The following DIAPH1 variants were observed in gnomAD, a reference collection of about 807,000 sequenced individuals.
DIAPH1 encodes the protein diaphanous related formin 1.
DIAPH1 carries 46 observed loss-of-function variants against 140.7 expected under a neutral mutation model. The observed-to-expected ratio is 0.33, with a 90% CI of 0.26 to 0.42. DIAPH1 has a LOEUF of 0.42. Ranked by LOEUF, DIAPH1 falls within the 10% of genes least tolerant of loss-of-function variation. The pLI is 1.00. For missense variants in DIAPH1, 1,310 were observed against 1,558.7 expected (o/e 0.84, Z 2.69); for synonymous variants, 565 against 551.6 (o/e 1.02, Z -0.34).
chr5:141,538,279 A>G (rs943718401), intron 18 of DIAPH1, among the ~76,000 whole-genome samples: 1 of 151,726 alleles, frequency 6.6e-6, no homozygotes, highest in Non-Finnish European at 1.5e-5. Context: ...CCAGGATGGT[A>G]TCAATCTCCT....
chr5:141,535,545 G>A (rs2099888879), intron 18 of DIAPH1, among the ~76,000 whole-genome samples: 1 of 152,168 alleles, frequency 6.6e-6, no homozygotes, highest in African/African-American at 2.4e-5. Flanking sequence ...TTTAATAAGT[G>A]TGGATATTTC....
intron 1 of DIAPH1, among the ~76,000 whole-genome samples, chr5:141,611,417 G>A (rs1177981579): frequency 6.6e-6 from 1 of 152,190 alleles, no homozygotes; most frequent in Non-Finnish European, 1.5e-5. Flanking sequence ...AAGACAGCCA[G>A]AAGTGGTGAC....
At chr5:141,550,194 G>A (rs2099891478) in intron 18 of DIAPH1, among the ~76,000 whole-genome samples, 1 of 151,998 alleles carries the variant, frequency 6.6e-6, no homozygotes, top group Non-Finnish European at 1.5e-5. Flanking sequence ...TTTTAAATTT[G>A]TATGTACCTA....
rs1347234372 is a variant in DIAPH1, at chr5:141,573,501, G to A, written c.2349C>T (p.Asn783=). 1.2e-6 allele frequency: 2 copies of A among 1,605,474 alleles called. No individual in the cohort carries two copies. The highest frequency in any genetic ancestry group is 1.1e-5 in the South Asian group (1 of 90,912). The change falls in exon 16 of 28, where the codon AAC becomes AAT. Residue 783 remains asparagine, a synonymous_variant. Transcript: ENST00000389054. The part of the protein sequence containing the change: ...YKPEVQLRRP[N]WSKLVAEDLS... Reference sequence around the variant, plus strand: ...AGACAGAAACTCTTACCTTGGACCAGTTTGGCCTCCGGAGCTGCACCTCTG... The same window carrying A: ...AGACAGAAACTCTTACCTTGGACCAATTTGGCCTCCGGAGCTGCACCTCTG...
Position 141,587,338 on chromosome 5 carries a change from AAAG to A in DIAPH1, c.145-144_145-142del, listed in dbSNP as rs2099897694. 3 of 820,172 alleles carry A rather than the reference AAAG, an allele frequency of 3.7e-6. No homozygotes were observed. The African/African-American group carries it at 5.1e-5, about 14-fold the overall frequency. 50.8% of individuals were successfully genotyped at this position (820,172 alleles called of 1,614,324 possible). ...GCAGTTCAAGACTCTTCTGACATGA[AAAG>A]AAGAAATCAGTCTTCCTCCTATCTA... On this transcript the variant is annotated intron_variant, in intron 2 of 27. Coordinates refer to ENST00000389054, the MANE Select transcript of DIAPH1 (RefSeq NM_005219.5).
intron 1 of DIAPH1, among the ~76,000 whole-genome samples, chr5:141,595,085 A>T (rs2099899106): frequency 6.6e-6 from 1 of 152,010 alleles, no homozygotes. Flanking sequence ...GCTACATATT[A>T]TATGTACCCA....
intron 18 of DIAPH1, among the ~76,000 whole-genome samples, chr5:141,552,829 G>A (rs72790099): frequency 0.034 from 5,172 of 152,254 alleles, 115 homozygotes; most frequent in African/African-American, 0.05. Flanking sequence ...GCAACCATCT[G>A]CAAGAGAAGG....
At chr5:141,575,492 T>C (rs2099895828) in intron 14 of DIAPH1, among the ~76,000 whole-genome samples, 1 of 151,848 alleles carries the variant, frequency 6.6e-6, no homozygotes, top group Non-Finnish European at 1.5e-5. Flanking sequence ...CTACCAAAAA[T>C]ACAAAAATTA....
chr5:141,518,772 C>T (rs1040077755), intron 27 of DIAPH1: 1 of 674,892 alleles, frequency 1.5e-6, no homozygotes, highest in Non-Finnish European at 2.6e-6. Flanking sequence ...ATCCTCCCAC[C>T]TTGGAACCTA....
intron 1 of DIAPH1, among the ~76,000 whole-genome samples, chr5:141,593,492 G>A (rs2099898814): frequency 6.6e-6 from 1 of 152,132 alleles, no homozygotes; most frequent in African/African-American, 2.4e-5. Flanking sequence ...TGAGACAGAA[G>A]GTTGGAAGTG....
chr5:141,517,246 T>C (rs532373416), intron 27 of DIAPH1, among the ~76,000 whole-genome samples: 1 of 152,290 alleles, frequency 6.6e-6, no homozygotes, highest in Admixed American at 6.5e-5. Flanking sequence ...TGCTTCCCTG[T>C]GTGAAAACAG....
intron 15 of DIAPH1, 26 bp downstream of exon 15, chr5:141,574,941 T>C: frequency 6.2e-7 from 1 of 1,614,002 alleles, no homozygotes; most frequent in Non-Finnish European, 8.5e-7. Context: ...TTACAGGTCA[T>C]TCTGCCTTCC....
intron 18 of DIAPH1, among the ~76,000 whole-genome samples, chr5:141,541,485 C>T (rs1008565554): frequency 4.0e-5 from 6 of 151,820 alleles, no homozygotes; most frequent in Admixed American, 1.3e-4. Flanking sequence ...GTCAGGAGTT[C>T]GAGATCAGCC....
At chr5:141,584,422 T>C (rs991079624) in intron 3 of DIAPH1, among the ~76,000 whole-genome samples, 197 bp from the exon 4 acceptor site, 65 of 152,042 alleles carry the variant, frequency 4.3e-4, no homozygotes, top group African/African-American at 1.5e-3. Context: ...AACATTTTAG[T>C]ATAAATCTCT....
chr5:141,588,415 T>G (rs1048384385), intron 1 of DIAPH1, among the ~76,000 whole-genome samples, 165 bp from the exon 2 acceptor site: 2 of 150,288 alleles, frequency 1.3e-5, no homozygotes, highest in Non-Finnish European at 2.9e-5. Flanking sequence ...CTTAGCACAT[T>G]CCCTCAAGTA....
chr5:141,545,791 C>T (rs1270969121), intron 18 of DIAPH1, among the ~76,000 whole-genome samples: 1 of 152,210 alleles, frequency 6.6e-6, no homozygotes, highest in Non-Finnish European at 1.5e-5. Context: ...CTACTCAACT[C>T]TGCCGGCATA....
intron 1 of DIAPH1, among the ~76,000 whole-genome samples, chr5:141,605,546 A>G (rs1041819490): frequency 1.3e-5 from 2 of 152,212 alleles, no homozygotes; most frequent in African/African-American, 4.8e-5. Flanking sequence ...GCTTAAGGAA[A>G]CACTCCTGAC....
At chr5:141,536,438 AAAG>A (rs1366179190) in intron 18 of DIAPH1, among the ~76,000 whole-genome samples, 30 of 152,358 alleles carry the variant, frequency 2.0e-4, no homozygotes, top group Admixed American at 1.7e-3. Context: ...AATGGAAATA[AAAG>A]AAGTGAACAA....
chr5:141,616,238 C>T (rs541520580), intron 1 of DIAPH1, among the ~76,000 whole-genome samples: 128 of 152,310 alleles, frequency 8.4e-4, no homozygotes, highest in African/African-American at 2.9e-3. Flanking sequence ...AAGAGCAGAT[C>T]TCAGACAATT....
Sources: allele counts gnomAD v4.1 joint callset (sites outside exome capture counted in the v4.1 genomes callset), GRCh38; gene constraint gnomAD v4.1.1; transcripts MANE v1.5; gene names NCBI Gene and HGNC (gene_info 2026-07-23, HGNC 2026-07-21).